EXOC6B: variants seen among roughly 807,000 people sequenced by gnomAD.
The protein encoded by EXOC6B is SEC15 homolog B.
Under a neutral mutation model 113.5 loss-of-function variants are expected in EXOC6B, and 54 were observed. The observed-to-expected ratio is 0.48, with a 90% CI of 0.38 to 0.60. The LOEUF (loss-of-function observed/expected upper bound fraction) is 0.60, where lower values mean the gene tolerates loss of function less well. Among genes scored for constraint, EXOC6B ranks in the 20% least tolerant of loss-of-function variants. The pLI is 0.00. For synonymous variants in EXOC6B, 357 were observed against 339.0 expected, an observed-to-expected ratio of 1.05 and a Z score of -0.58; for missense variants, 797 against 977.5, an observed-to-expected ratio of 0.82 and a Z score of 2.46.
intron 1 of EXOC6B, among the ~76,000 whole-genome samples, chr2:72,799,859 G>A (rs1685186530): frequency 6.6e-6 from 1 of 151,986 alleles, no homozygotes; most frequent in Non-Finnish European, 1.5e-5. Flanking sequence ...GAGCTCAGGG[G>A]TTCAAGACCA....
intron 20 of EXOC6B, among the ~76,000 whole-genome samples, chr2:72,188,146 A>G (rs1678569614): frequency 1.3e-5 from 2 of 152,090 alleles, no homozygotes; most frequent in Admixed American, 1.3e-4. Flanking sequence ...CCAGGAGGGT[A>G]GGGCTCTTGC....
intron 8 of EXOC6B, among the ~76,000 whole-genome samples, chr2:72,537,876 T>C (rs926643563): frequency 1.3e-5 from 2 of 152,038 alleles, no homozygotes; most frequent in East Asian, 3.9e-4. Context: ...TTGACCATCA[T>C]CAAAATTCAA....
rs753264866 is a variant in EXOC6B, at chr2:72,769,491, G to A, written c.114-28022C>T. 3.9e-5 allele frequency among the ~76,000 whole-genome samples: 6 copies of A among 152,164 alleles called. No individual in the cohort carries two copies. The South Asian group carries it at 6.2e-4, about 16-fold the overall frequency. On this transcript the variant is annotated intron_variant, in intron 1 of 21. Coordinates refer to ENST00000272427, the MANE Select transcript of EXOC6B (RefSeq NM_015189.3). ...ATACTCTGAGTCAAGGATACATGCT[G>A]AAATTCTTTGAGTAATGTCTAATAA...
chr2:72,563,861 T>C (rs1338672854), intron 7 of EXOC6B, among the ~76,000 whole-genome samples: 1 of 152,088 alleles, frequency 6.6e-6, no homozygotes, highest in African/African-American at 2.4e-5. Context: ...CTTTACATAT[T>C]AAAAAAAGGA....
intron 20 of EXOC6B, among the ~76,000 whole-genome samples, chr2:72,314,993 C>T (rs1271615568): frequency 6.6e-6 from 1 of 152,022 alleles, no homozygotes. Context: ...GTAGAGTATA[C>T]TACAAGATGA....
chr2:72,369,000 G>T (rs1690823906), intron 19 of EXOC6B, among the ~76,000 whole-genome samples: 6 of 152,142 alleles, frequency 3.9e-5, no homozygotes, highest in Non-Finnish European at 5.9e-5. Context: ...ACACAGTGTT[G>T]GAAGTTCTGG....
At position 72,551,789 on chromosome 2, in the gene EXOC6B, C is replaced by T. The variant is rs568862470; in HGVS notation, c.915+7664G>A. Among the ~76,000 whole-genome samples the T allele has an allele frequency of 2.5e-3, 384 of 152,326 alleles. 3 individuals carry two copies. The highest frequency in any genetic ancestry group is 8.5e-3 in the African/African-American group (352 of 41,576). ...GGGATTACAGGCGTGAGCCACCGCG[C>T]CCGGCCATTAAAATCTTAATAGCTT... On this transcript the variant is annotated intron_variant, in intron 8 of 21. Coordinates refer to ENST00000272427, the MANE Select transcript of EXOC6B (RefSeq NM_015189.3).
chr2:72,209,230 A>G (rs1240176534), intron 20 of EXOC6B, among the ~76,000 whole-genome samples: 26 of 142,918 alleles, frequency 1.8e-4, no homozygotes, highest in Non-Finnish European at 1.5e-4. Flanking sequence ...TCTCAAAAAA[A>G]AAAAAAAAAA....
chr2:72,628,444 T>C (rs368231130), intron 6 of EXOC6B, among the ~76,000 whole-genome samples: 4 of 152,140 alleles, frequency 2.6e-5, no homozygotes, highest in African/African-American at 9.7e-5. Context: ...AAATTATTTT[T>C]AAATTAATCT....
chr2:72,522,952 T>A (rs1701571363), intron 8 of EXOC6B, among the ~76,000 whole-genome samples: 1 of 152,162 alleles, frequency 6.6e-6, no homozygotes, highest in Non-Finnish European at 1.5e-5. Context: ...TGCTACAAAC[T>A]GTCACCATAC....
intron 1 of EXOC6B, among the ~76,000 whole-genome samples, chr2:72,773,781 T>C (rs1208386212): frequency 6.6e-6 from 1 of 152,226 alleles, no homozygotes; most frequent in African/African-American, 2.4e-5. Flanking sequence ...TTCTGTAGCC[T>C]CTGCATTCAA....
chr2:72,529,287 G>A (rs1480441396), intron 8 of EXOC6B, among the ~76,000 whole-genome samples: 2 of 152,134 alleles, frequency 1.3e-5, no homozygotes, highest in South Asian at 2.1e-4. Flanking sequence ...ATATGATCAT[G>A]TGATTTTTCT....
chr2:72,319,088 T>C (rs1687700896), intron 20 of EXOC6B, among the ~76,000 whole-genome samples: 1 of 151,744 alleles, frequency 6.6e-6, no homozygotes, highest in African/African-American at 2.4e-5. Context: ...GTAATTCAGA[T>C]TAAAAGGCTT....
intron 18 of EXOC6B, among the ~76,000 whole-genome samples, chr2:72,445,415 C>T (rs563669974): frequency 6.6e-6 from 1 of 152,286 alleles, no homozygotes; most frequent in Non-Finnish European, 1.5e-5. Flanking sequence ...GTTGCTTCCA[C>T]ATTTTTGGAA....
chr2:72,289,658 A>AT, intron 20 of EXOC6B, among the ~76,000 whole-genome samples: 1 of 152,144 alleles, frequency 6.6e-6, no homozygotes, highest in East Asian at 1.9e-4. Context: ...ATGCCCAGAT[A>AT]TTTTGTCAAG....
intron 8 of EXOC6B, among the ~76,000 whole-genome samples, chr2:72,536,498 T>C (rs2105774302): frequency 6.6e-6 from 1 of 152,332 alleles, no homozygotes; most frequent in Non-Finnish European, 1.5e-5. Context: ...TTACCATCAC[T>C]TTTTTAAAAT....
intron 20 of EXOC6B, among the ~76,000 whole-genome samples, chr2:72,234,753 C>T (rs1017513704): frequency 4.6e-5 from 7 of 151,930 alleles, no homozygotes; most frequent in African/African-American, 1.5e-4. Context: ...AGGACATGAA[C>T]GACACTTTTC....
chr2:72,786,328 C>T (rs1212071669), intron 1 of EXOC6B, among the ~76,000 whole-genome samples: 1 of 152,120 alleles, frequency 6.6e-6, no homozygotes, highest in African/African-American at 2.4e-5. Context: ...AAAAACTATA[C>T]CATAATTCAA....
chr2:72,449,819 G>C (rs1302801044), intron 18 of EXOC6B, among the ~76,000 whole-genome samples: 1 of 152,118 alleles, frequency 6.6e-6, no homozygotes, highest in African/African-American at 2.4e-5. Flanking sequence ...GAATCTCTGG[G>C]TTGGAAGACT....
Sources: allele counts gnomAD v4.1 joint callset (sites outside exome capture counted in the v4.1 genomes callset), GRCh38; gene constraint gnomAD v4.1.1; transcripts MANE v1.5; gene names NCBI Gene and HGNC (gene_info 2026-07-23, HGNC 2026-07-21).